Variants in TMEM132D observed in about 807,000 individuals in gnomAD.
The protein encoded by TMEM132D is mature OL transmembrane protein.
A neutral mutation model predicts 62.3 loss-of-function variants in TMEM132D; 21 were observed. The observed-to-expected ratio is 0.34, with a 90% CI of 0.24 to 0.49. The LOEUF is 0.49. TMEM132D is among the 20% of genes least tolerant of loss of function. The pLI, the probability that TMEM132D is intolerant of heterozygous loss-of-function variation, is 0.99. For missense variants in TMEM132D, 1,346 were observed against 1,402.8 expected (o/e 0.96, Z 0.65); for synonymous variants, 621 against 575.6 (o/e 1.08, Z -1.13).
At chr12:129,465,001 C>A (rs1417795898) in intron 3 of TMEM132D, among the ~76,000 whole-genome samples, 1 of 7,456 alleles carries the variant, frequency 1.3e-4, no homozygotes. Context: ...TTTTCCAATT[C>A]TGTGAAGAAG....
At chr12:129,399,707 A>G (rs954155106) in intron 3 of TMEM132D, among the ~76,000 whole-genome samples, 5 of 152,200 alleles carry the variant, frequency 3.3e-5, no homozygotes, top group Non-Finnish European at 7.3e-5. Flanking sequence ...ACAATTATAT[A>G]CCTGAATAAG....
chr12:129,807,168 G>C (rs1224626805), intron 1 of TMEM132D, among the ~76,000 whole-genome samples: 1 of 152,196 alleles, frequency 6.6e-6, no homozygotes, highest in East Asian at 1.9e-4. Context: ...GACCACAGTG[G>C]ATGTCCATTC....
chr12:129,337,420 TATAG>T (rs1371748642), intron 4 of TMEM132D, among the ~76,000 whole-genome samples: 2 of 140,910 alleles, frequency 1.4e-5, no homozygotes, highest in East Asian at 2.2e-4. Flanking sequence ...TTTGTATAGA[TATAG>T]ATATAGATAC....
chr12:129,510,526 G>T (rs1157818897), intron 3 of TMEM132D, among the ~76,000 whole-genome samples: 1 of 152,140 alleles, frequency 6.6e-6, no homozygotes, highest in Non-Finnish European at 1.5e-5. Context: ...TAGTACCTAA[G>T]AAATCTTTGC....
chr12:129,808,626 T>A (rs1026753852), intron 1 of TMEM132D, among the ~76,000 whole-genome samples: 1 of 151,896 alleles, frequency 6.6e-6, no homozygotes, highest in Non-Finnish European at 1.5e-5. Context: ...AAAGGAGAAA[T>A]TGGCCAGAAC....
chr12:129,591,617 GT>G (rs1878193089), intron 2 of TMEM132D, among the ~76,000 whole-genome samples: 1 of 150,860 alleles, frequency 6.6e-6, no homozygotes, highest in Non-Finnish European at 1.5e-5. Flanking sequence ...TTTATCAAGT[GT>G]TTATTCCAAG....
chr12:129,807,185 G>A (rs1263020357), intron 1 of TMEM132D, among the ~76,000 whole-genome samples: 3 of 152,142 alleles, frequency 2.0e-5, no homozygotes, highest in South Asian at 2.1e-4. Flanking sequence ...ATTCAGTCAC[G>A]ACCGTAATTA....
In TMEM132D at chr12:129,215,385, C is replaced by T. The variant is rs1879173722; in HGVS notation, c.1300-5722G>A. Among the ~76,000 whole-genome samples the T allele has an allele frequency of 2.6e-5, 4 of 152,222 alleles. No individual in the cohort carries two copies. In the South Asian group the frequency reaches 8.3e-4, roughly 32 times the overall value. On this transcript the variant is annotated intron_variant, in intron 4 of 8. Transcript: ENST00000422113. The stretch of plus-strand genomic sequence containing the variant: ...GGAAAAACAACCAATGGGTAGTAGG[C>T]TTAATACCTGGGTGGGGAAATAATT...
chr12:129,184,677 C>T lies in TMEM132D; in HGVS notation c.1443+24843G>A, dbSNP rs570364654. On this transcript the variant is annotated intron_variant, in intron 5 of 8. Coordinates refer to ENST00000422113, the MANE Select transcript of TMEM132D (RefSeq NM_133448.3). The stretch of plus-strand genomic sequence containing the variant: ...GAAGATACAACTTGCGCTCTGGCGC[C>T]TGCGGCTGTTTTCTTTGTTCGGTGT... Among the ~76,000 whole-genome samples the T allele has an allele frequency of 3.3e-5, 5 of 152,360 alleles. No homozygotes were observed. The South Asian group carries it at 1.0e-3, about 32-fold the overall frequency.
At chr12:129,760,923 G>A (rs1198149578) in intron 1 of TMEM132D, among the ~76,000 whole-genome samples, 1 of 151,878 alleles carries the variant, frequency 6.6e-6, no homozygotes, top group Admixed American at 6.6e-5. Flanking sequence ...TTGGTTTTCT[G>A]TTCCTGTGTT....
chr12:129,602,572 C>T (rs957325890), intron 2 of TMEM132D, among the ~76,000 whole-genome samples: 2 of 152,092 alleles, frequency 1.3e-5, no homozygotes, highest in Non-Finnish European at 2.9e-5. Flanking sequence ...AATGTGTTGG[C>T]CTCTGCTACT....
Position 129,293,033 on chromosome 12 carries a change from G to A in TMEM132D, c.1299+44601C>T, listed in dbSNP as rs540825054. 9.2e-5 allele frequency among the ~76,000 whole-genome samples: 14 copies of A among 152,282 alleles called. No homozygotes were observed. In the South Asian group the frequency reaches 2.9e-3, roughly 32 times the overall value. Reference sequence around the variant, plus strand: ...AGAGAGAGGATCTGAGGGCAGAGGGGCCCTGTTTTCTGTTCCCAGGGATGT... The same window carrying A: ...AGAGAGAGGATCTGAGGGCAGAGGGACCCTGTTTTCTGTTCCCAGGGATGT... On this transcript the variant is annotated intron_variant, in intron 4 of 8. Transcript: ENST00000422113.
chr12:129,185,491 G>A (rs181919342), intron 5 of TMEM132D, among the ~76,000 whole-genome samples: 1 of 152,140 alleles, frequency 6.6e-6, no homozygotes, highest in East Asian at 1.9e-4. Flanking sequence ...TGTTTACAAA[G>A]TCATCAACAG....
At chr12:129,250,366 T>G (rs1032647419) in intron 4 of TMEM132D, among the ~76,000 whole-genome samples, 3 of 152,240 alleles carry the variant, frequency 2.0e-5, no homozygotes, top group Non-Finnish European at 4.4e-5. Context: ...AGTTATCTAT[T>G]TTATTGCTCA....
chr12:129,156,126 C>T (rs887088852), intron 5 of TMEM132D, among the ~76,000 whole-genome samples: 1 of 151,868 alleles, frequency 6.6e-6, no homozygotes, highest in African/African-American at 2.4e-5. Flanking sequence ...CCACGATAAC[C>T]AACTCACTCC....
intron 5 of TMEM132D, among the ~76,000 whole-genome samples, chr12:129,207,531 G>C (rs754997027): frequency 6.6e-6 from 1 of 152,110 alleles, no homozygotes; most frequent in Non-Finnish European, 1.5e-5. Flanking sequence ...AAGATGAGGC[G>C]AGGGAGCCGT....
intron 2 of TMEM132D, among the ~76,000 whole-genome samples, chr12:129,548,353 T>C (rs1876797261): frequency 6.6e-6 from 1 of 152,176 alleles, no homozygotes; most frequent in South Asian, 2.1e-4. Flanking sequence ...GGGTTTGATC[T>C]TTACCCATCC....
intron 2 of TMEM132D, among the ~76,000 whole-genome samples, chr12:129,558,216 T>C (rs577442263): frequency 4.6e-4 from 70 of 152,344 alleles, no homozygotes; most frequent in African/African-American, 1.6e-3. Context: ...TGGAATTTCC[T>C]GACCAAATGA....
At chr12:129,086,201 C>CGTGTGTGT (rs1218792744) in intron 5 of TMEM132D, among the ~76,000 whole-genome samples, 4,347 of 140,884 alleles carry the variant, frequency 0.031, 68 homozygotes, top group Non-Finnish European at 0.042. Flanking sequence ...CACGCGCGCG[C>CGTGTGTGT]GTGTGTGTGT....
Sources: allele counts gnomAD v4.1 joint callset (sites outside exome capture counted in the v4.1 genomes callset), GRCh38; gene constraint gnomAD v4.1.1; transcripts MANE v1.5; gene names NCBI Gene and HGNC (gene_info 2026-07-23, HGNC 2026-07-21).